EIF4ENIF1: variants seen among roughly 807,000 people sequenced by gnomAD.
EIF4ENIF1 encodes the protein eukaryotic translation initiation factor 4E nuclear import factor 1.
In EIF4ENIF1, 23 loss-of-function variants were observed where a neutral mutation model predicts 110.5. That is an observed-to-expected ratio of 0.21 (90% CI 0.15 to 0.29). EIF4ENIF1 has a LOEUF of 0.29. Ranked by LOEUF, EIF4ENIF1 falls within the 10% of genes least tolerant of loss-of-function variation. EIF4ENIF1 has a pLI of 1.00. For synonymous variants in EIF4ENIF1, 440 were observed against 437.0 expected (o/e 1.01, Z -0.09); for missense variants, 1,031 against 1,221.1 (o/e 0.84, Z 2.32).
intron 2 of EIF4ENIF1, among the ~76,000 whole-genome samples, chr22:31,481,096 C>T (rs1363577758): frequency 6.6e-6 from 1 of 152,146 alleles, no homozygotes; most frequent in African/African-American, 2.4e-5. Flanking sequence ...TATGGTCTTG[C>T]CAGCCAGCCT....
intron 2 of EIF4ENIF1, among the ~76,000 whole-genome samples, chr22:31,484,998 C>A (rs1366511428): frequency 6.6e-6 from 1 of 152,180 alleles, no homozygotes; most frequent in Non-Finnish European, 1.5e-5. Context: ...GTGGAACTAA[C>A]ATATTTATTA....
At chr22:31,443,282 A>G in intron 15 of EIF4ENIF1, 188 bp from the exon 16 acceptor site, 1 of 725,624 alleles carries the variant, frequency 1.4e-6, no homozygotes, top group East Asian at 2.9e-5. Flanking sequence ...TCCCAAGTAC[A>G]TTATCCCTTG....
Position 31,439,548 on chromosome 22 carries a change from G to C in EIF4ENIF1, c.*332C>G, listed in dbSNP as rs2050228379. 3.2e-6 allele frequency: 1 copy of C among 311,232 alleles called. No individual in the cohort carries two copies. Among genetic ancestry groups the C allele is most frequent in the South Asian group, 4.0e-5 (1 of 25,114 alleles). 19.3% of individuals were successfully genotyped at this position (311,232 alleles called of 1,614,324 possible). On this transcript the variant is annotated 3_prime_UTR_variant, in exon 19 of 19. Transcript: ENST00000330125. Reference sequence around the variant, plus strand: ...ACAAAAGTTGTTTATACACAGGTCTGTACATAAGGGTCTATACATTTATTT... The same window carrying C: ...ACAAAAGTTGTTTATACACAGGTCTCTACATAAGGGTCTATACATTTATTT...
intron 4 of EIF4ENIF1, 117 bp from the exon 5 acceptor site, chr22:31,464,084 T>C: frequency 7.3e-7 from 1 of 1,367,598 alleles, no homozygotes; most frequent in Non-Finnish European, 9.7e-7. Context: ...GAGTCACCAC[T>C]AAAATTGGGC....
chr22:31,437,450 T>TCCCC (rs368145036), downstream of EIF4ENIF1: 25 of 125,010 alleles, frequency 2.0e-4, no homozygotes, highest in East Asian at 8.6e-4. Flanking sequence ...TTTGCCTTCA[T>TCCCC]CCCCCCCCCA....
intron 4 of EIF4ENIF1, among the ~76,000 whole-genome samples, chr22:31,465,167 T>C (rs934309534): frequency 5.9e-5 from 9 of 151,508 alleles, no homozygotes; most frequent in Admixed American, 4.6e-4. Context: ...CTACTAAAAA[T>C]ACAAAATTAG....
At chr22:31,443,135 G>GC (rs2050356206) in intron 15 of EIF4ENIF1, 41 bp from the exon 16 acceptor site, 1 of 1,606,514 alleles carries the variant, frequency 6.2e-7, no homozygotes, top group African/African-American at 1.3e-5. Context: ...TTCTCTAAGT[G>GC]CCGTTCTCTA....
chr22:31,473,266 C>G (rs1270698413), intron 2 of EIF4ENIF1, among the ~76,000 whole-genome samples: 3 of 152,138 alleles, frequency 2.0e-5, no homozygotes, highest in Non-Finnish European at 4.4e-5. Context: ...CTGGTATGCA[C>G]AGGAGAGAGG....
upstream of EIF4ENIF1, among the ~76,000 whole-genome samples, chr22:31,490,156 G>C (rs997248690): frequency 2.0e-5 from 3 of 152,234 alleles, no homozygotes; most frequent in Admixed American, 6.5e-5. Flanking sequence ...CTGCAGGGCA[G>C]AGCGGACGGC....
At chr22:31,458,266 A>C (rs1021352864) in intron 7 of EIF4ENIF1, among the ~76,000 whole-genome samples, 4 of 152,014 alleles carry the variant, frequency 2.6e-5, no homozygotes, top group African/African-American at 7.2e-5. Flanking sequence ...TTTTAGTCTA[A>C]CACCACCAGC....
In EIF4ENIF1 at chr22:31,450,380, A is replaced by G. The variant is rs1213092311; in HGVS notation, c.1513-20T>C. On this transcript the variant is annotated intron_variant, in intron 10 of 18. Transcript: ENST00000330125. ...GTTTCGCTAAAAGAGTCAAAAGAAA[A>G]CTGGTTTTAACTTTCTTAACTCACT... The G allele has an allele frequency of 1.9e-6, 3 of 1,602,402 alleles. No homozygotes were observed. The African/African-American group carries it at 4.0e-5, about 21-fold the overall frequency.
chr22:31,492,895 C>A (rs1246830700), upstream of EIF4ENIF1, among the ~76,000 whole-genome samples: 1 of 151,972 alleles, frequency 6.6e-6, no homozygotes, highest in African/African-American at 2.4e-5. Context: ...CCACGCCCAG[C>A]TAATTTTTGT....
At chr22:31,442,480 T>C (rs553027518) in intron 16 of EIF4ENIF1, among the ~76,000 whole-genome samples, 2 of 152,236 alleles carry the variant, frequency 1.3e-5, no homozygotes, top group East Asian at 3.9e-4. Flanking sequence ...ATCTCTCAGA[T>C]CTGTACTTTT....
rs755958296 is a variant in EIF4ENIF1, at chr22:31,463,712, C to A, written c.554G>T (p.Arg185Leu). 7 of 1,613,224 alleles carry A rather than the reference C, an allele frequency of 4.3e-6. No individual in the cohort carries two copies. The South Asian group carries it at 6.6e-5, about 15-fold the overall frequency. Residue 185 changes from arginine (R) to leucine (L), a missense_variant, in exon 5 of 19, where the codon CGA becomes CTA. Coordinates refer to ENST00000330125, the MANE Select transcript of EIF4ENIF1 (RefSeq NM_019843.4). ...ACGCTTGTCCTTGAAGTCCCTCTCTCGGTCTCTGTCTCTCAAGTCCCGCAG... is the reference window on the plus strand; with the variant it reads ...ACGCTTGTCCTTGAAGTCCCTCTCTAGGTCTCTGTCTCTCAAGTCCCGCAG... ...KDLRDLRDRD[R>L]ERDFKDKRFR...
intron 10 of EIF4ENIF1, 44 bp from the exon 11 acceptor site, chr22:31,450,404 CTT>C: frequency 2.7e-6 from 4 of 1,504,244 alleles, no homozygotes; most frequent in Non-Finnish European, 3.7e-6. Flanking sequence ...TCTTAACTCA[CTT>C]AACTTACAGA....
intron 17 of EIF4ENIF1, 91 bp from the exon 18 acceptor site, chr22:31,440,959 T>G (rs891819539): frequency 6.5e-7 from 1 of 1,529,110 alleles, no homozygotes; most frequent in Non-Finnish European, 8.9e-7. Context: ...ATCTGGAAGT[T>G]TGTTAAGAAT....
At chr22:31,455,341 A>G in intron 8 of EIF4ENIF1, 26 bp from the exon 9 acceptor site, 3 of 1,491,472 alleles carry the variant, frequency 2.0e-6, no homozygotes, top group Non-Finnish European at 1.8e-6. Flanking sequence ...AACATACTCA[A>G]AATTAATCTG....
chr22:31,485,120 C>T (rs1050418381), intron 2 of EIF4ENIF1, among the ~76,000 whole-genome samples: 1 of 152,190 alleles, frequency 6.6e-6, no homozygotes, highest in Non-Finnish European at 1.5e-5. Context: ...AAGCACTACC[C>T]TAACACTGCC....
At chr22:31,440,460 C>A (rs141509847) in intron 18 of EIF4ENIF1, among the ~76,000 whole-genome samples, 1,705 of 152,312 alleles carry the variant, frequency 0.011, 11 homozygotes, top group Middle Eastern at 0.024. Context: ...TCAGCCCTCT[C>A]TCCTAACAGG....
Sources: gnomAD v4.1 joint callset for allele counts (sites outside exome capture counted in the v4.1 genomes callset) on GRCh38, gnomAD v4.1.1 for gene constraint, MANE v1.5 for transcripts, NCBI Gene and HGNC (gene_info 2026-07-23, HGNC 2026-07-21) for gene names.